TOPAZ1: variants seen among roughly 807,000 people sequenced by gnomAD.
TOPAZ1 encodes testis and ovary specific TOPAZ 1.
In TOPAZ1, 66 loss-of-function variants were observed where a neutral mutation model predicts 172.2. The ratio of observed to expected loss-of-function variants is 0.38; its 90% CI spans 0.31 to 0.47. The LOEUF (loss-of-function observed/expected upper bound fraction) is 0.47. Ranked by LOEUF, TOPAZ1 falls within the 20% of genes least tolerant of loss-of-function variation. The probability of loss-of-function intolerance (pLI) is 0.99; values close to 1 mark genes in which losing one functional copy is unlikely to be tolerated. For missense variants in TOPAZ1, 1,822 were observed against 1,972.4 expected (o/e 0.92, Z 1.44); for synonymous variants, 681 against 683.9 (o/e 1.00, Z 0.07).
chr3:44,251,671 A>G (rs1302049198), intron 2 of TOPAZ1, among the ~76,000 whole-genome samples: 1 of 152,226 alleles, frequency 6.6e-6, no homozygotes, highest in Non-Finnish European at 1.5e-5. Flanking sequence ...CCCACTAAAT[A>G]GATTTCATTA....
At chr3:44,309,473 C>T (rs1408895043) in intron 15 of TOPAZ1, among the ~76,000 whole-genome samples, 1 of 152,300 alleles carries the variant, frequency 6.6e-6, no homozygotes, top group East Asian at 1.9e-4. Flanking sequence ...GGAGCAAAAA[C>T]ATATAATCAG....
At chr3:44,249,047 G>A (rs1699598587) in intron 2 of TOPAZ1, among the ~76,000 whole-genome samples, 1 of 152,132 alleles carries the variant, frequency 6.6e-6, no homozygotes, top group African/African-American at 2.4e-5. Context: ...GCTGAAATTG[G>A]TAAAACGTTT....
At chr3:44,265,376 GT>G (rs750648653) in intron 5 of TOPAZ1, among the ~76,000 whole-genome samples, 2 of 152,136 alleles carry the variant, frequency 1.3e-5, no homozygotes, top group African/African-American at 4.8e-5. Flanking sequence ...GGCCAAGATG[GT>G]GAAACCCCAC....
In TOPAZ1 at chr3:44,323,313, TGTTTTAATATATTG is replaced by T; in HGVS notation, c.4675+23_4675+36del. ...CTACAAAAGTAAGTTACATTTAAAA[TGTTTTAATATATTG>T]GTTTATAATTGTATTCTCTAACCCA... On this transcript the variant is annotated intron_variant, in intron 18 of 19. Coordinates refer to ENST00000309765, the MANE Select transcript of TOPAZ1 (RefSeq NM_001145030.2). 6.8e-7 allele frequency: 1 copy of T among 1,472,568 alleles called. No homozygotes were observed. The highest frequency in any genetic ancestry group is 9.2e-7 in the Non-Finnish European group (1 of 1,091,018). The allele number at this position is 1,472,568 out of a possible 1,614,324, so 91.2% of individuals were successfully genotyped here. A position where few individuals can be genotyped will look rare whatever the true frequency, so the allele number is the denominator to read the frequency against.
At chr3:44,248,879 G>A (rs1458680818) in intron 2 of TOPAZ1, among the ~76,000 whole-genome samples, 1 of 152,216 alleles carries the variant, frequency 6.6e-6, no homozygotes, top group Non-Finnish European at 1.5e-5. Context: ...TCTCAGACCA[G>A]ATTGGGGAGA....
chr3:44,261,407 A>G (rs1390233872), intron 4 of TOPAZ1, among the ~76,000 whole-genome samples: 1 of 152,238 alleles, frequency 6.6e-6, no homozygotes, highest in East Asian at 1.9e-4. Flanking sequence ...CATTTATTGA[A>G]TAGAGGTCCT....
At chr3:44,253,802 ATGTTT>A (rs1323296970) in intron 2 of TOPAZ1, among the ~76,000 whole-genome samples, 1 of 152,242 alleles carries the variant, frequency 6.6e-6, no homozygotes, top group Non-Finnish European at 1.5e-5. Context: ...TAAATACAAA[ATGTTT>A]TGTTTAGTTT....
intron 2 of TOPAZ1, among the ~76,000 whole-genome samples, chr3:44,251,054 A>G (rs751092431): frequency 5.9e-5 from 9 of 152,200 alleles, no homozygotes; most frequent in Non-Finnish European, 1.3e-4. Context: ...GTATTTGTAA[A>G]TAAATGAGTA....
chr3:44,320,944 A>T (rs1700500458), intron 16 of TOPAZ1, 83 bp from the exon 17 acceptor site: 1 of 906,150 alleles, frequency 1.1e-6, no homozygotes, highest in Admixed American at 3.4e-5. Context: ...TCTTCAAAAG[A>T]TATATTGAAA....
Position 44,242,250 on chromosome 3 carries a change from A to G in TOPAZ1, c.197A>G (p.Asp66Gly), listed in dbSNP as rs1699489170. The G allele has an allele frequency of 1.3e-6, 2 of 1,548,438 alleles. No homozygotes were observed. Among genetic ancestry groups the G allele is most frequent in the Non-Finnish European group, 1.7e-6 (2 of 1,146,162 alleles). ...ATPGRGEVES[D>G]KSVAASGAGK... Reference sequence around the variant, plus strand: ...CCTGGGAGAGGCGAGGTGGAAAGTGATAAGTCGGTTGCAGCATCAGGGGCT... The same window carrying G: ...CCTGGGAGAGGCGAGGTGGAAAGTGGTAAGTCGGTTGCAGCATCAGGGGCT... The change falls in exon 1 of 20, where the codon GAT (aspartate) becomes GGT (glycine). Residue 66 changes from aspartate (D) to glycine (G), a missense_variant. By Grantham distance (94) the Asp-to-Gly change is moderately conservative (BLOSUM62 -1). Coordinates refer to ENST00000309765, the MANE Select transcript of TOPAZ1 (RefSeq NM_001145030.2).
At chr3:44,253,290 AC>A (rs1374880014) in intron 2 of TOPAZ1, among the ~76,000 whole-genome samples, 2 of 152,212 alleles carry the variant, frequency 1.3e-5, no homozygotes. Flanking sequence ...TCATGGAAAG[AC>A]TTTTAAATAA....
rs539090329 is a variant in TOPAZ1, at chr3:44,289,445, A to G, written c.3682-1326A>G. On this transcript the variant is annotated intron_variant, in intron 11 of 19. Coordinates refer to ENST00000309765, the MANE Select transcript of TOPAZ1 (RefSeq NM_001145030.2). ...AATAGAGCTTAAGGATTAGAGCCTAATCTTTAGAACAGGCTTTAAATAGTC... is the reference window on the plus strand; with the variant it reads ...AATAGAGCTTAAGGATTAGAGCCTAGTCTTTAGAACAGGCTTTAAATAGTC... Among the ~76,000 whole-genome samples, 3 of 152,302 alleles carry G rather than the reference A, an allele frequency of 2.0e-5. No individual in the cohort carries two copies. The East Asian group carries it at 5.8e-4, about 29-fold the overall frequency.
At position 44,305,327 on chromosome 3, in the gene TOPAZ1, A is replaced by G. The variant is rs954970465; in HGVS notation, c.4039+6A>G. 5.9e-6 allele frequency: 9 copies of G among 1,532,042 alleles called. No homozygotes were observed. Among genetic ancestry groups the G allele is most frequent in the Non-Finnish European group, 7.9e-6 (9 of 1,141,268 alleles). The allele number at this position is 1,532,042 out of a possible 1,614,324, so 94.9% of individuals were successfully genotyped here. On this transcript the variant is annotated splice_donor_region_variant and intron_variant, in intron 14 of 19. Coordinates refer to ENST00000309765, the MANE Select transcript of TOPAZ1 (RefSeq NM_001145030.2). ...TTGTGAATTTGCTGAAACAGGTAAA[A>G]TGTAACTATTGGCCTGAATATTGTG...
At chr3:44,315,833 G>T (rs930301537) in intron 16 of TOPAZ1, among the ~76,000 whole-genome samples, 2 of 152,142 alleles carry the variant, frequency 1.3e-5, no homozygotes, top group South Asian at 2.1e-4. Context: ...TTCACCAAAT[G>T]TGAACCCTGG....
intron 15 of TOPAZ1, among the ~76,000 whole-genome samples, chr3:44,307,907 G>A (rs1700353273): frequency 6.6e-6 from 1 of 152,138 alleles, no homozygotes; most frequent in South Asian, 2.1e-4. Flanking sequence ...CTTAAGGTTG[G>A]TCATAGCATT....
chr3:44,242,706 A>C (rs1699500260), intron 1 of TOPAZ1, 147 bp from the exon 2 acceptor site: 2 of 711,186 alleles, frequency 2.8e-6, no homozygotes, highest in Admixed American at 7.0e-5. Context: ...ACAGAAATTA[A>C]GGCTTTCATT....
rs962715898 is a variant in TOPAZ1 at position 44,266,964 on chromosome 3, T to C, written c.3021-33T>C. On this transcript the variant is annotated intron_variant, in intron 5 of 19. Coordinates refer to ENST00000309765, the MANE Select transcript of TOPAZ1 (RefSeq NM_001145030.2). ...TTACTTTAATGTTTAAAAATACATT[T>C]AAATTCTGATGTTAATTTTTCCTTT... The C allele has an allele frequency of 3.4e-6, 5 of 1,457,516 alleles. No homozygotes were observed. In the African/African-American group the frequency reaches 7.1e-5, roughly 21 times the overall value. 90.3% of individuals were successfully genotyped at this position (1,457,516 alleles called of 1,614,324 possible).
At chr3:44,310,374 T>C (rs1379399983) in intron 16 of TOPAZ1, among the ~76,000 whole-genome samples, 8 of 151,936 alleles carry the variant, frequency 5.3e-5, no homozygotes, top group African/African-American at 1.9e-4. Flanking sequence ...TGGTGGCCGC[T>C]TGTAATCCCA....
At chr3:44,298,712 A>T (rs535465304) in intron 12 of TOPAZ1, among the ~76,000 whole-genome samples, 1 of 150,394 alleles carries the variant, frequency 6.6e-6, no homozygotes, top group South Asian at 2.1e-4. Flanking sequence ...CAGCCATAGT[A>T]AAAAAACAAA....
Sources: allele counts gnomAD v4.1 joint callset (sites outside exome capture counted in the v4.1 genomes callset), GRCh38; gene constraint gnomAD v4.1.1; transcripts MANE v1.5; gene names NCBI Gene and HGNC (gene_info 2026-07-23, HGNC 2026-07-21).